The following PPARGC1A variants were observed in gnomAD, a reference collection of about 807,000 sequenced individuals.
The protein encoded by PPARGC1A is peroxisome proliferator-activated receptor gamma coactivator 1-alpha.
Under a neutral mutation model 88.7 loss-of-function variants are expected in PPARGC1A, and 25 were observed. The observed-to-expected ratio is 0.28, with a 90% CI of 0.21 to 0.39. PPARGC1A has a LOEUF of 0.39. PPARGC1A is among the 10% of genes least tolerant of loss of function. The probability of loss-of-function intolerance (pLI) is 1.00; values close to 1 mark genes in which losing one functional copy is unlikely to be tolerated. For synonymous variants in PPARGC1A, 363 were observed against 355.6 expected (o/e 1.02, Z -0.24); for missense variants, 880 against 968.7 (o/e 0.91, Z 1.22).
At chr4:23,889,043 C>G (rs1024690936) in intron 1 of PPARGC1A, 5 of 985,280 alleles carry the variant, frequency 5.1e-6, no homozygotes, top group Non-Finnish European at 6.0e-6. Flanking sequence ...CTCCGTCCCC[C>G]CACTAGACTC....
At chr4:24,429,700 G>A in the PPARGC1A span, among the ~76,000 whole-genome samples, 1 of 148,144 alleles carries the variant, frequency 6.8e-6, no homozygotes, top group African/African-American at 2.5e-5. Context: ...CACCCAGGCT[G>A]GAGTGCAGTG....
At chr4:24,217,738 G>T in the PPARGC1A span, among the ~76,000 whole-genome samples, 1 of 152,154 alleles carries the variant, frequency 6.6e-6, no homozygotes, top group Non-Finnish European at 1.5e-5. Flanking sequence ...AGGCGGCAGA[G>T]GTTGCAGTGA....
chr4:24,349,437 C>T, the PPARGC1A span, among the ~76,000 whole-genome samples: 2 of 152,130 alleles, frequency 1.3e-5, no homozygotes, highest in African/African-American at 2.4e-5. Flanking sequence ...CATGACTAGG[C>T]GTGTCTGAGC....
chr4:24,203,575 AAGAAAG>A, the PPARGC1A span, among the ~76,000 whole-genome samples: 1 of 19,586 alleles, frequency 5.1e-5, no homozygotes, highest in African/African-American at 6.6e-5. Flanking sequence ...GAGATAGAAA[AAGAAAG>A]AGAAAATAGA....
chr4:23,949,642 C>T, the PPARGC1A span, among the ~76,000 whole-genome samples: 655 of 152,216 alleles, frequency 4.3e-3, 6 homozygotes, highest in African/African-American at 0.015. Context: ...TCCATTTTGC[C>T]AGGCCTCTGT....
chr4:24,009,150 A>AG, the PPARGC1A span, among the ~76,000 whole-genome samples: 16 of 79,806 alleles, frequency 2.0e-4, 1 homozygote, highest in African/African-American at 9.4e-4. Flanking sequence ...AAAAAAAAAA[A>AG]AGAGAGAGAA....
chr4:24,067,819 T>G, the PPARGC1A span, among the ~76,000 whole-genome samples: 5 of 152,178 alleles, frequency 3.3e-5, no homozygotes, highest in African/African-American at 1.2e-4. Context: ...AGCTGCTGAT[T>G]TCTCTGAATT....
the PPARGC1A span, among the ~76,000 whole-genome samples, chr4:24,299,448 G>C: frequency 6.6e-6 from 1 of 152,052 alleles, no homozygotes. Flanking sequence ...CAATATATGG[G>C]CTTTTTTAAG....
intron 1 of PPARGC1A, among the ~76,000 whole-genome samples, chr4:23,885,412 C>A (rs1263320347): frequency 6.6e-6 from 1 of 152,178 alleles, no homozygotes; most frequent in African/African-American, 2.4e-5. Context: ...GAAAAATTTT[C>A]TCCATTTACA....
At chr4:24,002,929 T>G in the PPARGC1A span, among the ~76,000 whole-genome samples, 3 of 152,168 alleles carry the variant, frequency 2.0e-5, no homozygotes, top group Non-Finnish European at 4.4e-5. Flanking sequence ...GGATCTTGAA[T>G]TTTTTCCAAA....
the PPARGC1A span, among the ~76,000 whole-genome samples, chr4:23,976,341 A>T: frequency 6.6e-6 from 1 of 152,320 alleles, no homozygotes; most frequent in South Asian, 2.1e-4. Flanking sequence ...ACTGAGAAAG[A>T]TAAGTGGGAT....
At chr4:24,031,068 G>A in the PPARGC1A span, among the ~76,000 whole-genome samples, 1 of 152,038 alleles carries the variant, frequency 6.6e-6, no homozygotes, top group Admixed American at 6.6e-5. Flanking sequence ...AAAAAGGGAT[G>A]GGCACAGGAA....
chr4:24,061,284 G>A, the PPARGC1A span, among the ~76,000 whole-genome samples: 1 of 152,162 alleles, frequency 6.6e-6, no homozygotes, highest in East Asian at 1.9e-4. Flanking sequence ...AGCCACCTTG[G>A]CTAGGAGTCA....
At chr4:24,392,775 T>C in the PPARGC1A span, among the ~76,000 whole-genome samples, 1 of 152,194 alleles carries the variant, frequency 6.6e-6, no homozygotes, top group Admixed American at 6.5e-5. Flanking sequence ...TTTGGAATTC[T>C]GCACACTTTC....
chr4:24,014,620 C>T, the PPARGC1A span, among the ~76,000 whole-genome samples: 2 of 152,062 alleles, frequency 1.3e-5, no homozygotes, highest in Non-Finnish European at 2.9e-5. Flanking sequence ...ATATTCAGTT[C>T]CTTGCAGTTG....
intron 2 of PPARGC1A, among the ~76,000 whole-genome samples, chr4:23,833,380 T>C (rs1021155866): frequency 1.3e-5 from 2 of 152,242 alleles, no homozygotes; most frequent in African/African-American, 4.8e-5. Context: ...CACTTCACAT[T>C]GTTTGTTCAA....
the PPARGC1A span, among the ~76,000 whole-genome samples, chr4:24,436,991 G>A: frequency 6.6e-6 from 1 of 152,368 alleles, no homozygotes; most frequent in African/African-American, 2.4e-5. Flanking sequence ...CAGCTGAGCA[G>A]GGGGAACACA....
the PPARGC1A span, among the ~76,000 whole-genome samples, chr4:24,461,944 T>A: frequency 6.8e-6 from 1 of 146,050 alleles, no homozygotes; most frequent in Non-Finnish European, 1.5e-5. Flanking sequence ...AGCACCGCTA[T>A]CTCCTCCCTA....
chr4:23,827,313 A>G (rs902404103), intron 5 of PPARGC1A, among the ~76,000 whole-genome samples: 3 of 152,126 alleles, frequency 2.0e-5, no homozygotes, highest in Non-Finnish European at 4.4e-5. Flanking sequence ...CTGGGGAAAA[A>G]AAGCGTATTG....
Sources: allele counts gnomAD v4.1 joint callset (sites outside exome capture counted in the v4.1 genomes callset), GRCh38; gene constraint gnomAD v4.1.1; transcripts MANE v1.5; gene names NCBI Gene and HGNC (gene_info 2026-07-23, HGNC 2026-07-21).